HSPBAP1: variants seen among roughly 807,000 people sequenced by gnomAD.
HSPBAP1 encodes the protein HSPB1-associated protein 1.
A neutral mutation model predicts 45.2 loss-of-function variants in HSPBAP1; 27 were observed. The ratio of observed to expected loss-of-function variants is 0.60; its 90% confidence interval spans 0.44 to 0.82. HSPBAP1 has a LOEUF of 0.82. HSPBAP1 is among the 40% of genes least tolerant of loss of function. HSPBAP1 has a pLI of 0.00. For missense variants in HSPBAP1, 510 were observed against 590.9 expected, an observed-to-expected ratio of 0.86 and a Z score of 1.42; for synonymous variants, 204 against 202.7, an observed-to-expected ratio of 1.01 and a Z score of -0.06.
intron 6 of HSPBAP1, chr3:122,741,729 C>A (rs1345780661): frequency 6.6e-6 from 1 of 151,846 alleles, no homozygotes; most frequent in Non-Finnish European, 1.5e-5. Flanking sequence ...GAGAAATGAG[C>A]AAATTTTAAA....
At chr3:122,745,975 A>G (rs151269148) in intron 6 of HSPBAP1, among the ~76,000 whole-genome samples, 4 of 152,352 alleles carry the variant, frequency 2.6e-5, no homozygotes, top group Non-Finnish European at 5.9e-5. Context: ...TAGCTAAGAC[A>G]TTACATTTGT....
chr3:122,741,988 C>T (rs909213896), intron 6 of HSPBAP1, among the ~76,000 whole-genome samples: 1 of 151,900 alleles, frequency 6.6e-6, no homozygotes, highest in Non-Finnish European at 1.5e-5. Flanking sequence ...GTATTGTATA[C>T]CCTATGGACC....
At chr3:122,766,348 A>C (rs1184205565) in intron 3 of HSPBAP1, among the ~76,000 whole-genome samples, 3 of 152,218 alleles carry the variant, frequency 2.0e-5, no homozygotes, top group African/African-American at 7.2e-5. Context: ...TTAAACCAAC[A>C]CAGGTACCTG....
Position 122,740,398 on chromosome 3 carries a change from G to T in HSPBAP1, c.1414C>A (p.Pro472Thr). The change falls in exon 8 of 8, where the codon CCA (proline) becomes ACA (threonine). Residue 472 changes from proline to threonine, a missense_variant. Pro to Thr is a conservative substitution (Grantham distance 38). Transcript: ENST00000306103. ...TGTGCCACTATCCTGGTTACTTGTG[G>T]ATTCACCAAGCAGTCCAGCAAGTCA... ...TDDLLDCLVN[P>T]QVTRIVAQLL... 1.2e-6 allele frequency: 2 copies of T among 1,613,698 alleles called. No individual in the cohort carries two copies. Among genetic ancestry groups the T allele is most frequent in the South Asian group, 2.2e-5 (2 of 91,062 alleles).
At chr3:122,754,134 T>A (rs1182908426) in intron 5 of HSPBAP1, 1 of 153,500 alleles carries the variant, frequency 6.5e-6, no homozygotes, top group Non-Finnish European at 1.4e-5. Context: ...CTCCTAGGTA[T>A]ACCCAAGAGT....
intron 1 of HSPBAP1, among the ~76,000 whole-genome samples, chr3:122,780,503 G>T (rs1322416852): frequency 7.5e-6 from 1 of 133,806 alleles, no homozygotes; most frequent in Non-Finnish European, 1.6e-5. Context: ...TGGCCGGGCG[G>T]GGGCTGACCC....
chr3:122,745,752 C>T (rs556656872), intron 6 of HSPBAP1, among the ~76,000 whole-genome samples: 1 of 152,316 alleles, frequency 6.6e-6, no homozygotes, highest in East Asian at 1.9e-4. Flanking sequence ...GCATAAAGTG[C>T]TTCCTTTAAG....
At chr3:122,754,320 A>G (rs1219482561) in intron 5 of HSPBAP1, 1 of 154,676 alleles carries the variant, frequency 6.5e-6, no homozygotes, top group Non-Finnish European at 1.4e-5. Context: ...ATGAAGTGCT[A>G]GTAACATTCT....
At chr3:122,781,619 C>G (rs1935486377) in intron 1 of HSPBAP1, among the ~76,000 whole-genome samples, 1 of 152,072 alleles carries the variant, frequency 6.6e-6, no homozygotes, top group Admixed American at 6.5e-5. Flanking sequence ...CCTTGCTCCT[C>G]TCTCTCCCTC....
intron 4 of HSPBAP1, 38 bp downstream of exon 4, chr3:122,759,184 TCC>T (rs1491253094): frequency 7.1e-6 from 5 of 705,642 alleles, no homozygotes; most frequent in Admixed American, 2.8e-5. Flanking sequence ...ACATGTGCGT[TCC>T]ACACACACAC....
chr3:122,783,536 A>C (rs1384008358), intron 1 of HSPBAP1, among the ~76,000 whole-genome samples: 3 of 152,370 alleles, frequency 2.0e-5, no homozygotes, highest in African/African-American at 7.2e-5. Context: ...AGGGAAAAGC[A>C]TACAAACATG....
chr3:122,769,559 A>G lies in HSPBAP1; in HGVS notation c.251-677T>C, dbSNP rs186132714. 2.0e-5 allele frequency among the ~76,000 whole-genome samples: 3 copies of G among 152,394 alleles called. No homozygotes were observed. In the East Asian group the frequency reaches 5.8e-4, roughly 29 times the overall value. On this transcript the variant is annotated intron_variant, in intron 2 of 7. Transcript: ENST00000306103. ...ACTTAAATGAACAGAGGAAGTTAAT[A>G]TTTAAGAAATCTGATTATGACTTCC...
intron 3 of HSPBAP1, among the ~76,000 whole-genome samples, chr3:122,760,388 G>A (rs530120273): frequency 6.6e-4 from 99 of 150,632 alleles, no homozygotes; most frequent in Non-Finnish European, 1.2e-3. Context: ...CCACTTCTAT[G>A]TGCAGAACAT....
chr3:122,768,672 C>T, intron 3 of HSPBAP1, 29 bp downstream of exon 3: 2 of 1,507,542 alleles, frequency 1.3e-6, no homozygotes, highest in African/African-American at 1.4e-5. Flanking sequence ...CAAATTCCTA[C>T]CAAGATTAGA....
chr3:122,780,973 C>T (rs531053753), intron 1 of HSPBAP1, among the ~76,000 whole-genome samples: 1 of 141,608 alleles, frequency 7.1e-6, no homozygotes, highest in African/African-American at 2.6e-5. Context: ...CGGGCAGAGA[C>T]GCTCCTCACT....
At chr3:122,745,681 T>A (rs770354108) in intron 6 of HSPBAP1, among the ~76,000 whole-genome samples, 4 of 152,186 alleles carry the variant, frequency 2.6e-5, no homozygotes, top group Non-Finnish European at 5.9e-5. Flanking sequence ...TTATTTTACT[T>A]AATAATAGCC....
chr3:122,791,159 G>C (rs1935816281), intron 1 of HSPBAP1, among the ~76,000 whole-genome samples: 1 of 152,190 alleles, frequency 6.6e-6, no homozygotes, highest in South Asian at 2.1e-4. Flanking sequence ...TAAGTACCTT[G>C]TCCTCCAGTC....
chr3:122,755,374 G>C lies in HSPBAP1; in HGVS notation c.627C>G (p.Ile209Met). Reference sequence around the variant, plus strand: ...TGAACACACTAGATTCTTCATAAGGGATTCTAGTTGGATAAAGGAAAGGAG... The same window carrying C: ...TGAACACACTAGATTCTTCATAAGGCATTCTAGTTGGATAAAGGAAAGGAG... The part of the protein sequence containing the change: ...EDTPFLYPTR[I>M]PYEESSVFSK... Residue 209 changes from isoleucine to methionine, a missense_variant, in exon 5 of 8, where the codon ATC becomes ATG. Physicochemically the swap from Ile to Met is conservative, Grantham distance 10 (BLOSUM62 1). Transcript: ENST00000306103. The C allele has an allele frequency of 6.3e-7, 1 of 1,590,346 alleles. No individual in the cohort carries two copies. Among genetic ancestry groups the C allele is most frequent in the South Asian group, 1.1e-5 (1 of 88,182 alleles).
chr3:122,763,670 T>C lies in HSPBAP1; in HGVS notation c.433-4310A>G, dbSNP rs147200256. 3.6e-4 allele frequency among the ~76,000 whole-genome samples: 55 copies of C among 152,330 alleles called. No individual in the cohort carries two copies. The East Asian group carries it at 0.01, about 28-fold the overall frequency. On this transcript the variant is annotated intron_variant, in intron 3 of 7. Transcript: ENST00000306103. ...ACCCCCAGGGGTCTATGGGCCACTC[T>C]GGTTTACAACATCACAACTGTAATT...
Sources: allele counts gnomAD v4.1 joint callset (sites outside exome capture counted in the v4.1 genomes callset), GRCh38; gene constraint gnomAD v4.1.1; transcripts MANE v1.5; gene names NCBI Gene and HGNC (gene_info 2026-07-23, HGNC 2026-07-21).